Variants in MSI2 observed in about 807,000 individuals in gnomAD.
The protein encoded by MSI2 is musashi RNA binding protein 2.
MSI2 carries 17 observed loss-of-function variants against 45.6 expected under a neutral mutation model. That is an observed-to-expected ratio of 0.37 (90% CI 0.26 to 0.56). The LOEUF is 0.56. Among genes scored for constraint, MSI2 ranks in the 20% least tolerant of loss-of-function variants. The probability of loss-of-function intolerance (pLI) is 0.77; values close to 1 mark genes in which losing one functional copy is unlikely to be tolerated. For missense variants in MSI2, 293 were observed against 444.2 expected (o/e 0.66, Z 3.06); for synonymous variants, 156 against 158.2 (o/e 0.99, Z 0.11).
At chr17:57,421,428 G>GT (rs34742930) in intron 6 of MSI2, among the ~76,000 whole-genome samples, 4,468 of 152,196 alleles carry the variant, frequency 0.029, 105 homozygotes, top group Non-Finnish European at 0.047. Context: ...AGAAGGAGAG[G>GT]TTTTTCCTGA....
Position 57,554,956 on chromosome 17 carries a change from A to C in MSI2, c.454+25232A>C, listed in dbSNP as rs369252221. ...TTTGCTCAAACCTGCTGAGACTTCCAAGGGAGCCTGGGACTCTGCTCTCCT... is the reference window on the plus strand; with the variant it reads ...TTTGCTCAAACCTGCTGAGACTTCCCAGGGAGCCTGGGACTCTGCTCTCCT... On this transcript the variant is annotated intron_variant, in intron 7 of 13. Coordinates refer to ENST00000284073, the MANE Select transcript of MSI2 (RefSeq NM_138962.4). Among the ~76,000 whole-genome samples, 9 of 152,346 alleles carry C rather than the reference A, an allele frequency of 5.9e-5. No homozygotes were observed. The East Asian group carries it at 1.7e-3, about 29-fold the overall frequency.
At chr17:57,699,273 C>T in the MSI2 span, among the ~76,000 whole-genome samples, 1 of 129,934 alleles carries the variant, frequency 7.7e-6, no homozygotes, top group Non-Finnish European at 1.6e-5. Flanking sequence ...GAGGAAGAGC[C>T]AGGGAGAGAG....
intron 6 of MSI2, among the ~76,000 whole-genome samples, chr17:57,470,144 C>T (rs530534992): frequency 6.6e-6 from 1 of 152,320 alleles, no homozygotes; most frequent in South Asian, 2.1e-4. Context: ...GCCCATACCC[C>T]TCTGTATTGT....
rs1256681420 is a variant in MSI2 at position 57,462,000 on chromosome 17, A to T, written c.405+60529A>T. Among the ~76,000 whole-genome samples the T allele has an allele frequency of 3.3e-5, 5 of 152,266 alleles. No homozygotes were observed. In the East Asian group the frequency reaches 7.7e-4, roughly 24 times the overall value. ...CTCAGCTACAGAAATGCCTTGTCCC[A>T]CAGTTTGGGAGGCCAGAAGTCCAAG... On this transcript the variant is annotated intron_variant, in intron 6 of 13. Transcript: ENST00000284073.
chr17:57,273,475 TTTTTTTC>T (rs1279300616), intron 5 of MSI2, among the ~76,000 whole-genome samples: 3 of 140,994 alleles, frequency 2.1e-5, no homozygotes, highest in African/African-American at 8.0e-5. Flanking sequence ...TTTTTTTTTT[TTTTTTTC>T]TTTTACTGGA....
At chr17:57,373,455 G>T (rs1289507745) in intron 5 of MSI2, among the ~76,000 whole-genome samples, 1 of 152,144 alleles carries the variant, frequency 6.6e-6, no homozygotes, top group Admixed American at 6.5e-5. Context: ...AACAAAGGCC[G>T]TGTGTTAGTC....
Position 57,528,792 on chromosome 17 carries a change from T to C in MSI2, c.406-884T>C, listed in dbSNP as rs76847271. On this transcript the variant is annotated intron_variant, in intron 6 of 13. Coordinates refer to ENST00000284073, the MANE Select transcript of MSI2 (RefSeq NM_138962.4). ...AATGATCTCATTTTAAATTAATTAC[T>C]TCTTTGAAGAACCTCTCTCCAAATA... is the stretch of plus-strand genomic sequence containing the variant. 5.1e-3 allele frequency among the ~76,000 whole-genome samples: 771 copies of C among 152,322 alleles called. 4 individuals are homozygous for C. The highest frequency in any genetic ancestry group is 8.0e-3 in the Non-Finnish European group (542 of 68,020).
intron 11 of MSI2, among the ~76,000 whole-genome samples, chr17:57,654,323 C>T (rs1471274949): frequency 1.3e-5 from 2 of 152,252 alleles, no homozygotes; most frequent in African/African-American, 4.8e-5. Context: ...CCTAGTTCCT[C>T]AGCCCCACTT....
At chr17:57,257,267 T>C (rs1906869521) in intron 2 of MSI2, 129 bp downstream of exon 2, 1 of 571,450 alleles carries the variant, frequency 1.7e-6, no homozygotes, top group Admixed American at 3.8e-5. Flanking sequence ...AAGGTTATTT[T>C]TTTTAAATAG....
At position 57,529,701 on chromosome 17, in the gene MSI2, A is replaced by G; in HGVS notation, c.431A>G (p.Asp144Gly). 1 of 1,613,238 alleles carries G rather than the reference A, an allele frequency of 6.2e-7. No homozygotes were observed. The highest frequency in any genetic ancestry group is 8.5e-7 in the Non-Finnish European group (1 of 1,179,818). Residue 144 changes from aspartate (D) to glycine (G), a missense_variant, in exon 7 of 14, where the codon GAT (aspartate) becomes GGT (glycine). By Grantham distance (94) the Asp-to-Gly change is moderately conservative. Transcript: ENST00000284073. This position sits in a 1 kb window ranked among gnomAD's most constrained non-coding sequence, Gnocchi z 5.3. The part of the protein sequence containing the change: ...GKVEDAMLMF[D>G]KTTNRHRGFG... ...GTGGAAGATGCAATGCTGATGTTTG[A>G]TAAAACTACCAACAGGCACAGAGGT...
intron 5 of MSI2, among the ~76,000 whole-genome samples, chr17:57,376,577 T>A (rs911175417): frequency 6.6e-6 from 1 of 152,190 alleles, no homozygotes; most frequent in Admixed American, 6.5e-5. Context: ...ACTGGAGATC[T>A]GGGTTTTCGG....
At chr17:57,342,779 C>T (rs1428803122) in intron 5 of MSI2, among the ~76,000 whole-genome samples, 2 of 152,050 alleles carry the variant, frequency 1.3e-5, no homozygotes, top group South Asian at 2.1e-4. Context: ...ACATGAACTT[C>T]GAATGATAGA....
intron 6 of MSI2, among the ~76,000 whole-genome samples, chr17:57,427,311 T>A (rs993353483): frequency 6.6e-6 from 1 of 152,020 alleles, no homozygotes; most frequent in African/African-American, 2.4e-5. Flanking sequence ...GGCAGGAGAA[T>A]TGCTTGAACC....
chr17:57,385,672 A>G (rs2083673335), intron 5 of MSI2, among the ~76,000 whole-genome samples: 1 of 152,164 alleles, frequency 6.6e-6, no homozygotes, highest in African/African-American at 2.4e-5. Flanking sequence ...AAACAAAACA[A>G]AAAAACTCCT....
intron 6 of MSI2, among the ~76,000 whole-genome samples, chr17:57,471,277 CTTTTTTTTTTTT>C (rs529448901): frequency 0.02 from 1,656 of 83,692 alleles, 19 homozygotes; most frequent in African/African-American, 0.039. Context: ...TTATGGAGCA[CTTTTTTTTTTTT>C]TTTTTTTTTT....
At chr17:57,593,795 G>A (rs1194513479) in intron 7 of MSI2, among the ~76,000 whole-genome samples, 1 of 152,184 alleles carries the variant, frequency 6.6e-6, no homozygotes, top group Non-Finnish European at 1.5e-5. Context: ...CGTGGGGGCT[G>A]GGGCAGAGGG....
intron 6 of MSI2, among the ~76,000 whole-genome samples, chr17:57,428,192 A>G (rs1399374359): frequency 6.6e-6 from 1 of 152,142 alleles, no homozygotes; most frequent in Admixed American, 6.5e-5. Context: ...ATCTTTGGAG[A>G]TTAGATGGTA....
In MSI2 at chr17:57,407,205, C is replaced by T. The variant is rs997982406; in HGVS notation, c.405+5734C>T. On this transcript the variant is annotated intron_variant, in intron 6 of 13. Transcript: ENST00000284073. The surrounding 1 kb of genome is among the most constrained non-coding windows in gnomAD (Gnocchi z 4.1). ...ATGTAATGAGACCTTCCCGTTTATC[C>T]GGCCAGCGTGGGCGATTGTGGGTGA... is the stretch of plus-strand genomic sequence containing the variant. Among the ~76,000 whole-genome samples the T allele has an allele frequency of 2.0e-5, 3 of 152,184 alleles. No individual in the cohort carries two copies. The highest frequency in any genetic ancestry group is 3.4e-3 in the Middle Eastern group (1 of 294).
chr17:57,387,990 A>G (rs1466717256), intron 5 of MSI2, among the ~76,000 whole-genome samples: 1 of 152,248 alleles, frequency 6.6e-6, no homozygotes, highest in East Asian at 1.9e-4. Flanking sequence ...AGTAAAATGC[A>G]TTACAGGATC....
Sources: gnomAD v4.1 joint callset for allele counts (sites outside exome capture counted in the v4.1 genomes callset) on GRCh38, gnomAD v4.1.1 for gene constraint, Gnocchi (gnomAD v3.1) non-coding constraint, MANE v1.5 for transcripts, NCBI Gene and HGNC (gene_info 2026-07-23, HGNC 2026-07-21) for gene names.